ZDHHC14: variants seen among roughly 807,000 people sequenced by gnomAD.
The protein encoded by ZDHHC14 is zDHHC palmitoyltransferase 14.
In ZDHHC14, 16 loss-of-function variants were observed where a neutral mutation model predicts 47.7. The observed-to-expected ratio is 0.34, with a 90% CI of 0.23 to 0.51. ZDHHC14 has a LOEUF of 0.51. Among genes scored for constraint, ZDHHC14 ranks in the 20% least tolerant of loss-of-function variants. The pLI is 0.97. For synonymous variants in ZDHHC14, 293 were observed against 278.9 expected, an observed-to-expected ratio of 1.05 and a Z score of -0.50; for missense variants, 515 against 662.5, an observed-to-expected ratio of 0.78 and a Z score of 2.44.
chr6:157,393,846 C>G (rs1777468788), intron 1 of ZDHHC14, among the ~76,000 whole-genome samples: 1 of 152,110 alleles, frequency 6.6e-6, no homozygotes, highest in African/African-American at 2.4e-5. Context: ...CTTTGTTCCT[C>G]TCTCTCCTGC....
intron 3 of ZDHHC14, among the ~76,000 whole-genome samples, chr6:157,600,261 C>T (rs867157617): frequency 1.3e-5 from 2 of 152,092 alleles, no homozygotes; most frequent in African/African-American, 2.4e-5. Flanking sequence ...CAAACTTAAT[C>T]TACCAGTATA....
chr6:157,422,035 G>C (rs1778116919), intron 1 of ZDHHC14, among the ~76,000 whole-genome samples: 2 of 152,234 alleles, frequency 1.3e-5, no homozygotes, highest in Non-Finnish European at 2.9e-5. Flanking sequence ...GCTCCACTTA[G>C]CAGGTAAGAA....
intron 8 of ZDHHC14, among the ~76,000 whole-genome samples, chr6:157,661,497 A>G (rs1394960312): frequency 6.6e-6 from 1 of 152,144 alleles, no homozygotes; most frequent in Non-Finnish European, 1.5e-5. Context: ...TTCTTGGTCT[A>G]ATTGGACACC....
chr6:157,458,156 G>A (rs142550815), intron 1 of ZDHHC14, among the ~76,000 whole-genome samples: 8,864 of 152,252 alleles, frequency 0.058, 878 homozygotes, highest in African/African-American at 0.2. Flanking sequence ...GTGTTTTTGC[G>A]GAAGCAGGGT....
At chr6:157,437,420 G>A (rs192361898) in intron 1 of ZDHHC14, among the ~76,000 whole-genome samples, 12 of 152,346 alleles carry the variant, frequency 7.9e-5, no homozygotes, top group Admixed American at 7.8e-4. Context: ...GTCCCGGGCA[G>A]GCTGTCGCCC....
At chr6:157,398,343 C>T (rs1466787802) in intron 1 of ZDHHC14, among the ~76,000 whole-genome samples, 1 of 152,172 alleles carries the variant, frequency 6.6e-6, no homozygotes, top group Admixed American at 6.5e-5. Flanking sequence ...CCACTGGCAT[C>T]ATGTCAGGAT....
At chr6:157,397,330 G>T (rs1370523024) in intron 1 of ZDHHC14, among the ~76,000 whole-genome samples, 2 of 152,190 alleles carry the variant, frequency 1.3e-5, no homozygotes, top group African/African-American at 4.8e-5. Context: ...TTATCTTACA[G>T]TCTGTACATC....
chr6:157,398,094 G>A (rs1413565596), intron 1 of ZDHHC14, among the ~76,000 whole-genome samples: 4 of 29,280 alleles, frequency 1.4e-4, no homozygotes, highest in South Asian at 2.2e-3. Flanking sequence ...AGCCCCCCCC[G>A]GCTCCCCAGA....
At chr6:157,397,249 T>C (rs940689401) in intron 1 of ZDHHC14, among the ~76,000 whole-genome samples, 1 of 152,206 alleles carries the variant, frequency 6.6e-6, no homozygotes, top group Non-Finnish European at 1.5e-5. Flanking sequence ...CTCTCTTCCC[T>C]CAGATTTAGT....
At chr6:157,551,956 G>A (rs149417098) in intron 2 of ZDHHC14, among the ~76,000 whole-genome samples, 1,724 of 152,176 alleles carry the variant, frequency 0.011, 21 homozygotes, top group Non-Finnish European at 0.018. Context: ...CCATTCCAGC[G>A]TTATCATTCC....
intron 1 of ZDHHC14, among the ~76,000 whole-genome samples, chr6:157,520,461 G>A (rs528408848): frequency 6.6e-6 from 1 of 152,296 alleles, no homozygotes; most frequent in South Asian, 2.1e-4. Flanking sequence ...TATAGGAAGG[G>A]AAATATGGTT....
intron 3 of ZDHHC14, among the ~76,000 whole-genome samples, chr6:157,613,013 T>C (rs1784811935): frequency 6.6e-6 from 1 of 152,030 alleles, no homozygotes; most frequent in Non-Finnish European, 1.5e-5. Flanking sequence ...CCAAGAGAAA[T>C]GATCATTTAA....
chr6:157,480,552 T>A (rs764309891), intron 1 of ZDHHC14, among the ~76,000 whole-genome samples: 1 of 152,186 alleles, frequency 6.6e-6, no homozygotes, highest in Non-Finnish European at 1.5e-5. Flanking sequence ...CAGGCGTGAG[T>A]CACTGTGCCC....
chr6:157,429,137 A>G (rs1778285311), intron 1 of ZDHHC14, among the ~76,000 whole-genome samples: 1 of 152,108 alleles, frequency 6.6e-6, no homozygotes, highest in Admixed American at 6.6e-5. Context: ...TTTCTGGGGG[A>G]CAGGCTCCAT....
At chr6:157,603,915 G>A (rs1010202101) in intron 3 of ZDHHC14, among the ~76,000 whole-genome samples, 6 of 152,194 alleles carry the variant, frequency 3.9e-5, no homozygotes, top group African/African-American at 1.2e-4. Flanking sequence ...GGAAGGGCAC[G>A]CCACCTCAAG....
Position 157,531,061 on chromosome 6 carries a change from A to G in ZDHHC14, c.246-11524A>G, listed in dbSNP as rs186362244. ...GCGCTGTCAGCAGAGGCTGGAGCAC[A>G]CGGAAGTGGGGTCTGCTCAGGTCCC... On this transcript the variant is annotated intron_variant, in intron 1 of 8. Transcript: ENST00000359775. 3.8e-3 allele frequency among the ~76,000 whole-genome samples: 573 copies of G among 151,822 alleles called. 21 individuals are homozygous for G. Among genetic ancestry groups the G allele is most frequent in the Admixed American group, 0.033 (507 of 15,240 alleles).
rs748119347 is a variant in ZDHHC14, at chr6:157,672,720, C to A, written c.1069-4C>A. On this transcript the variant is annotated splice_region_variant and splice_polypyrimidine_tract_variant and intron_variant, in intron 8 of 8. Coordinates refer to ENST00000359775, the MANE Select transcript of ZDHHC14 (RefSeq NM_024630.3). The stretch of plus-strand genomic sequence containing the variant: ...TCTCTTTGCTGGCGCCTCCCGCTCT[C>A]CAGTGCGACCAAGACCAGTGCATTC... The A allele has an allele frequency of 6.2e-7, 1 of 1,603,214 alleles. No homozygotes were observed. The highest frequency in any genetic ancestry group is 2.3e-5 in the East Asian group (1 of 44,220).
chr6:157,541,364 T>C (rs938811021), intron 1 of ZDHHC14, among the ~76,000 whole-genome samples: 14 of 152,280 alleles, frequency 9.2e-5, no homozygotes, highest in Admixed American at 2.6e-4. Context: ...CCCAGACTCG[T>C]GCCAGCATCC....
At chr6:157,515,601 T>C (rs1296859834) in intron 1 of ZDHHC14, among the ~76,000 whole-genome samples, 1 of 151,912 alleles carries the variant, frequency 6.6e-6, no homozygotes, top group Non-Finnish European at 1.5e-5. Context: ...GTAGCTGGGA[T>C]TACAGGCTCC....
Sources: gnomAD v4.1 joint callset for allele counts (sites outside exome capture counted in the v4.1 genomes callset) on GRCh38, gnomAD v4.1.1 for gene constraint, MANE v1.5 for transcripts, NCBI Gene and HGNC (gene_info 2026-07-23, HGNC 2026-07-21) for gene names.